RALGPS1: variants seen among roughly 807,000 people sequenced by gnomAD.
RALGPS1 encodes the protein ras-specific guanine nucleotide-releasing factor RalGPS1.
RALGPS1 carries 19 observed loss-of-function variants against 78.8 expected under a neutral mutation model. The ratio of observed to expected loss-of-function variants is 0.24; its 90% CI spans 0.17 to 0.35. RALGPS1 has a LOEUF of 0.35. Among genes scored for constraint, RALGPS1 ranks in the 10% least tolerant of loss-of-function variants. The probability of loss-of-function intolerance (pLI) is 1.00; values close to 1 mark genes in which losing one functional copy is unlikely to be tolerated. For synonymous variants in RALGPS1, 228 were observed against 256.3 expected, an observed-to-expected ratio of 0.89 and a Z score of 1.06; for missense variants, 454 against 688.3, an observed-to-expected ratio of 0.66 and a Z score of 3.81.
At chr9:127,029,726 G>C (rs538692759) in intron 4 of RALGPS1, among the ~76,000 whole-genome samples, 1 of 152,312 alleles carries the variant, frequency 6.6e-6, no homozygotes, top group South Asian at 2.1e-4. Context: ...TGCCGTGGGG[G>C]TCTTCAGAGA....
At chr9:126,960,612 A>G (rs2038818885) in intron 1 of RALGPS1, among the ~76,000 whole-genome samples, 3 of 152,066 alleles carry the variant, frequency 2.0e-5, no homozygotes, top group Non-Finnish European at 2.9e-5. Flanking sequence ...AGATGGAGTC[A>G]ATATCATCAG....
chr9:126,970,093 C>T (rs1045275474), intron 3 of RALGPS1, among the ~76,000 whole-genome samples: 46 of 152,186 alleles, frequency 3.0e-4, no homozygotes, highest in African/African-American at 9.9e-4. Flanking sequence ...AAGATGGTGG[C>T]GGCAGTAGCA....
At chr9:127,105,384 G>C (rs903314318) in intron 8 of RALGPS1, among the ~76,000 whole-genome samples, 10 of 152,196 alleles carry the variant, frequency 6.6e-5, no homozygotes, top group African/African-American at 2.4e-4. Context: ...AGAAGCAGGA[G>C]ATTGAACCAT....
intron 1 of RALGPS1, among the ~76,000 whole-genome samples, chr9:126,935,146 A>G (rs756467588): frequency 6.6e-6 from 1 of 152,146 alleles, no homozygotes; most frequent in Non-Finnish European, 1.5e-5. Context: ...CCCTCATGAC[A>G]CTGTGGCCCT....
chr9:127,179,202 C>T (rs1305498390), intron 11 of RALGPS1, among the ~76,000 whole-genome samples: 1 of 152,208 alleles, frequency 6.6e-6, no homozygotes, highest in Non-Finnish European at 1.5e-5. Context: ...GCCCTGGAAG[C>T]AGGATGTGAA....
chr9:127,025,827 G>A (rs2045917271), intron 4 of RALGPS1, among the ~76,000 whole-genome samples: 2 of 152,002 alleles, frequency 1.3e-5, no homozygotes, highest in African/African-American at 2.4e-5. Context: ...GAGTAGCTAG[G>A]ACTGCAGGCA....
chr9:126,929,836 A>G (rs1033052658), intron 1 of RALGPS1, among the ~76,000 whole-genome samples: 1 of 150,760 alleles, frequency 6.6e-6, no homozygotes, highest in Non-Finnish European at 1.5e-5. Flanking sequence ...AAGTGGCATT[A>G]GGGATTTATT....
At chr9:127,065,391 C>T (rs1478873720) in intron 7 of RALGPS1, among the ~76,000 whole-genome samples, 6 of 152,062 alleles carry the variant, frequency 3.9e-5, no homozygotes, top group South Asian at 2.1e-4. Flanking sequence ...GGATTACAGG[C>T]GTGAGCCACT....
At chr9:126,964,597 C>T (rs2039265791) in intron 2 of RALGPS1, among the ~76,000 whole-genome samples, 1 of 120,166 alleles carries the variant, frequency 8.3e-6, no homozygotes, top group African/African-American at 2.6e-5. Context: ...GTGGAGCTGG[C>T]ATTTTATCCA....
chr9:127,047,479 A>C (rs1589196312), intron 5 of RALGPS1, among the ~76,000 whole-genome samples: 1 of 152,146 alleles, frequency 6.6e-6, no homozygotes, highest in African/African-American at 2.4e-5. Flanking sequence ...CAGGTGGATC[A>C]CCTGAGGTCA....
intron 4 of RALGPS1, among the ~76,000 whole-genome samples, chr9:126,995,042 G>A (rs1380968817): frequency 1.3e-5 from 2 of 152,196 alleles, no homozygotes; most frequent in Non-Finnish European, 2.9e-5. Context: ...ACTAAACATG[G>A]AAAGGAACAA....
intron 8 of RALGPS1, among the ~76,000 whole-genome samples, chr9:127,154,828 G>A (rs1245062156): frequency 6.6e-6 from 1 of 152,200 alleles, no homozygotes; most frequent in Non-Finnish European, 1.5e-5. Flanking sequence ...CTCACTCTCT[G>A]GCCGGGATCC....
intron 1 of RALGPS1, among the ~76,000 whole-genome samples, chr9:126,932,232 A>G (rs994565679): frequency 6.6e-6 from 1 of 152,254 alleles, no homozygotes; most frequent in Non-Finnish European, 1.5e-5. Flanking sequence ...ATGAAGGGGG[A>G]AAAAGACAAT....
At chr9:126,960,271 A>C in intron 1 of RALGPS1, among the ~76,000 whole-genome samples, 2 of 133,324 alleles carry the variant, frequency 1.5e-5, no homozygotes, top group African/African-American at 2.8e-5. Flanking sequence ...ATCTTGCTCT[A>C]TCACCAGGCT....
At chr9:127,195,000 C>CG in intron 11 of RALGPS1, 91 bp from the exon 12 acceptor site, 1 of 1,504,750 alleles carries the variant, frequency 6.6e-7, no homozygotes, top group African/African-American at 1.4e-5. Context: ...ACTTCAAACC[C>CG]GGGGCCCACC....
At chr9:126,964,930 T>C (rs1056473735) in intron 2 of RALGPS1, among the ~76,000 whole-genome samples, 9 of 152,202 alleles carry the variant, frequency 5.9e-5, no homozygotes, top group Admixed American at 2.0e-4. Context: ...TTGAGGTTAA[T>C]GGAAACCACA....
At chr9:127,177,949 G>A (rs777046585) in intron 11 of RALGPS1, 1 of 1,548,394 alleles carries the variant, frequency 6.5e-7, no homozygotes, top group South Asian at 1.2e-5. Context: ...TCAGAGCCCT[G>A]GCAGGGGACA....
intron 8 of RALGPS1, among the ~76,000 whole-genome samples, chr9:127,112,229 C>T (rs892999489): frequency 1.6e-4 from 25 of 152,208 alleles, no homozygotes; most frequent in African/African-American, 6.0e-4. Context: ...GCTGCAGTGA[C>T]GTCAGTGGAA....
chr9:127,022,229 A>G (rs958098194), intron 4 of RALGPS1, among the ~76,000 whole-genome samples: 1 of 151,768 alleles, frequency 6.6e-6, no homozygotes, highest in Admixed American at 6.6e-5. Context: ...CCTCATGTTC[A>G]TTTCTTCCAC....
Sources: gnomAD v4.1 joint callset for allele counts (sites outside exome capture counted in the v4.1 genomes callset) on GRCh38, gnomAD v4.1.1 for gene constraint, MANE v1.5 for transcripts, NCBI Gene and HGNC (gene_info 2026-07-23, HGNC 2026-07-21) for gene names.